Variants in MYL5 observed in about 807,000 individuals in gnomAD.
The protein encoded by MYL5 is myosin light chain 5.
A neutral mutation model predicts 20.8 loss-of-function variants in MYL5; 28 were observed. The observed-to-expected ratio is 1.35, with a 90% CI of 1.00 to 1.84. The LOEUF is 1.84. MYL5 is among the 40% of genes most tolerant of loss of function. The pLI, the probability that MYL5 is intolerant of heterozygous loss-of-function variation, is 0.00. For synonymous variants in MYL5, 118 were observed against 87.4 expected (o/e 1.35, Z -1.95); for missense variants, 274 against 227.3 (o/e 1.21, Z -1.32).
At chr4:677,812 G>T, upstream of MYL5, 2 of 701,240 alleles carry the variant, frequency 2.9e-6, no homozygotes, top group East Asian at 2.7e-5. Context: ...TGGGGAGGCT[G>T]GGGGCCTTGC....
intron 6 of MYL5, among the ~76,000 whole-genome samples, chr4:681,376 G>C (rs1016883136): frequency 6.6e-6 from 1 of 151,846 alleles, no homozygotes; most frequent in African/African-American, 2.4e-5. Flanking sequence ...AGACCCCTCC[G>C]CGGCCTGAGC....
intron 2 of MYL5, 26 bp downstream of exon 4, chr4:678,791 G>GC: frequency 6.2e-7 from 1 of 1,607,762 alleles, no homozygotes; most frequent in Non-Finnish European, 8.5e-7. Flanking sequence ...TTCACTGGGA[G>GC]CCCCCACCCC....
chr4:678,216 G>A, intron 1 of MYL5, 187 bp downstream of exon 3: 1 of 1,505,150 alleles, frequency 6.6e-7, no homozygotes, highest in Non-Finnish European at 8.9e-7. Context: ...CCTTGCGGGT[G>A]TGGGCTGTGC....
intron 1 of MYL5, 154 bp from the exon 4 acceptor site, chr4:678,504 C>T: frequency 6.9e-7 from 1 of 1,444,944 alleles, no homozygotes; most frequent in South Asian, 1.5e-5. Context: ...GCTACCCAGG[C>T]CTGAGGCTGG....
intron 1 of MYL5, 40 bp downstream of exon 3, chr4:678,069 G>A (rs759531676): frequency 3.1e-6 from 5 of 1,610,762 alleles, no homozygotes; most frequent in Admixed American, 1.7e-5. Context: ...AGGCGTGTGG[G>A]TGTGAGCTGT....
At chr4:681,668 C>T (rs1242773868) in intron 6 of MYL5, among the ~76,000 whole-genome samples, 4 of 45,598 alleles carry the variant, frequency 8.8e-5, no homozygotes, top group African/African-American at 2.8e-4. Context: ...CCGCCCCGCC[C>T]CCTCCAGCGC....
exon 2 of MYL5, chr4:678,674 A>G (rs2109334259): frequency 6.2e-7 from 1 of 1,609,768 alleles, no homozygotes; most frequent in South Asian, 1.1e-5. Context: ...AGGAAGACCA[A>G]GAAGAAGGAA....
upstream of MYL5, chr4:674,553 G>C: frequency 4.2e-6 from 2 of 475,160 alleles, no homozygotes; most frequent in Non-Finnish European, 7.5e-6. Context: ...TTTCCCCGCA[G>C]GGCTGGGGGT....
intron 6 of MYL5, 83 bp from the exon 9 acceptor site, chr4:681,810 A>C: frequency 1.6e-6 from 2 of 1,251,532 alleles, no homozygotes; most frequent in Non-Finnish European, 2.0e-6. Context: ...CGCGGCGCAG[A>C]AACCACACCC....
intron 5 of MYL5, chr4:680,838 T>G (rs1367766944): frequency 3.2e-6 from 2 of 632,932 alleles, no homozygotes; most frequent in African/African-American, 3.7e-5. Context: ...CTTCAGCTCC[T>G]GCTAGGCGCC....
rs564205706 is a variant in MYL5 at position 678,269 on chromosome 4, G to C, written c.3+240G>C. On this transcript the variant is annotated intron_variant, in intron 1 of 6. Transcript: ENST00000400159. ...GTGCCTCACGTTGCTCTCCTGGTGA[G>C]AGTCCGGAGCAGGATGAGGGGGTTC... The C allele has an allele frequency of 8.1e-4, 1,193 of 1,463,834 alleles. 25 individuals are homozygous for C. In the South Asian group the frequency reaches 0.015, roughly 18 times the overall value. The allele number at this position is 1,463,834 out of a possible 1,614,324, so 90.7% of individuals were successfully genotyped here. A position where few individuals can be genotyped will look rare whatever the true frequency, so the allele number is the denominator to read the frequency against.
chr4:678,344 C>G (rs559930750), intron 1 of MYL5: 1 of 1,416,338 alleles, frequency 7.1e-7, no homozygotes, highest in African/African-American at 1.4e-5. Flanking sequence ...CCAGAGTCCA[C>G]TTGCCCCTCA....
intron 6 of MYL5, 66 bp downstream of exon 8, chr4:681,206 G>A: frequency 6.5e-7 from 1 of 1,547,960 alleles, no homozygotes; most frequent in Non-Finnish European, 8.7e-7. Flanking sequence ...TCAGCTGGGT[G>A]GAGGGGGACG....
intron 1 of MYL5, 162 bp downstream of exon 3, chr4:678,191 T>G: frequency 6.6e-7 from 1 of 1,525,996 alleles, no homozygotes; most frequent in Non-Finnish European, 8.8e-7. Context: ...AGCGTGTGTA[T>G]GTGCGTGTGT....
rs1386689020 is a variant in MYL5 at position 678,775 on chromosome 4, T to C, written c.111+10T>C. On this transcript the variant is annotated intron_variant, in intron 2 of 6. Transcript: ENST00000400159. ...CCAGGAGTTCAAGGAGGTGAGACTT[T>C]CCTGCTTCACTGGGAGCCCCCACCC... The C allele has an allele frequency of 1.9e-6, 3 of 1,608,530 alleles. No individual in the cohort carries two copies. The highest frequency in any genetic ancestry group is 1.6e-4 in the Middle Eastern group (1 of 6,078).
chr4:678,870 C>A, intron 2 of MYL5, 88 bp from the exon 5 acceptor site: 1 of 1,608,614 alleles, frequency 6.2e-7, no homozygotes, highest in Non-Finnish European at 8.5e-7. Context: ...AGCCTATCCT[C>A]AGTCAGGGGT....
intron 1 of MYL5, chr4:678,230 G>A (rs1739053214): frequency 5.4e-6 from 8 of 1,489,862 alleles, no homozygotes; most frequent in Middle Eastern, 2.4e-4. Context: ...GCTGTGCTGT[G>A]TTGTGGGAAG....
chr4:675,428 A>T (rs948204032), upstream of MYL5: 1 of 152,464 alleles, frequency 6.6e-6, no homozygotes, highest in African/African-American at 2.4e-5. Flanking sequence ...AAGCAACTGG[A>T]GAACTATGGC....
Position 678,105 on chromosome 4 carries a change from A to T in MYL5, c.3+76A>T, listed in dbSNP as rs551469900. ...GCTGTGCATGTGTACATGCGCACAG[A>T]CGAGCGTGGGCGTGTCCGTGCTTGC... On this transcript the variant is annotated intron_variant, in intron 1 of 6. Transcript: ENST00000400159. 6 of 1,585,704 alleles carry T rather than the reference A, an allele frequency of 3.8e-6. No individual in the cohort carries two copies. In the African/African-American group the frequency reaches 8.9e-5, roughly 23 times the overall value.
Sources: allele counts gnomAD v4.1 joint callset (sites outside exome capture counted in the v4.1 genomes callset), GRCh38; gene constraint gnomAD v4.1.1; transcripts MANE v1.5; gene names NCBI Gene and HGNC (gene_info 2026-07-23, HGNC 2026-07-21).